The following SOX5 variants were observed in gnomAD, a reference collection of about 807,000 sequenced individuals.
SOX5 encodes the protein SRY-box transcription factor 5, also known as transcription factor SOX-5.
Under a neutral mutation model 92.0 loss-of-function variants are expected in SOX5, and 9 were observed. The observed-to-expected ratio is 0.10, with a 90% CI of 0.06 to 0.17. The LOEUF (loss-of-function observed/expected upper bound fraction) is 0.17, where lower values mean the gene tolerates loss of function less well. SOX5 is among the 10% of genes least tolerant of loss of function. SOX5 has a pLI of 1.00. For missense variants in SOX5, 642 were observed against 944.5 expected, an observed-to-expected ratio of 0.68 and a Z score of 4.20; for synonymous variants, 344 against 336.3, an observed-to-expected ratio of 1.02 and a Z score of -0.25.
At chr12:24,455,931 G>A (rs1942969366) in intron 1 of SOX5, among the ~76,000 whole-genome samples, 1 of 152,122 alleles carries the variant, frequency 6.6e-6, no homozygotes, top group African/African-American at 2.4e-5. Context: ...ACAGCTCTGC[G>A]AGGCCATGCA....
chr12:24,561,732 G>A (rs1424667200), intron 1 of SOX5, among the ~76,000 whole-genome samples: 1 of 151,414 alleles, frequency 6.6e-6, no homozygotes, highest in African/African-American at 2.4e-5. Flanking sequence ...CGGGAGGGAG[G>A]GGGAGTGGTA....
intron 1 of SOX5, among the ~76,000 whole-genome samples, chr12:24,513,587 T>C (rs1949516257): frequency 6.6e-6 from 1 of 152,198 alleles, no homozygotes; most frequent in African/African-American, 2.4e-5. Flanking sequence ...CATAATTTGT[T>C]AATATCGGGG....
chr12:24,049,287 C>T (rs895738230), intron 4 of SOX5, among the ~76,000 whole-genome samples: 28 of 152,130 alleles, frequency 1.8e-4, no homozygotes, highest in African/African-American at 6.5e-4. Context: ...TGGCCAAATA[C>T]GCCTTGAGAC....
At chr12:23,802,849 G>A (rs925169509) in intron 3 of SOX5, among the ~76,000 whole-genome samples, 1 of 152,014 alleles carries the variant, frequency 6.6e-6, no homozygotes, top group African/African-American at 2.4e-5. Context: ...TTATGTGTCC[G>A]TAGTCTTGCA....
At chr12:24,357,637 G>A (rs536871850) in intron 2 of SOX5, among the ~76,000 whole-genome samples, 2 of 152,210 alleles carry the variant, frequency 1.3e-5, no homozygotes, top group Admixed American at 1.3e-4. Flanking sequence ...GAGCTCAGGA[G>A]TTCATGACCA....
chr12:23,859,630 C>A (rs759860412), intron 2 of SOX5, among the ~76,000 whole-genome samples: 3 of 152,132 alleles, frequency 2.0e-5, no homozygotes, highest in Non-Finnish European at 2.9e-5. Flanking sequence ...AGCATGTGAT[C>A]CCTGTGACCT....
intron 6 of SOX5, among the ~76,000 whole-genome samples, chr12:23,666,686 ATATC>A (rs1375758311): frequency 6.6e-6 from 1 of 152,194 alleles, no homozygotes; most frequent in Non-Finnish European, 1.5e-5. Context: ...TATTTAATAA[ATATC>A]TACTATGTGC....
At chr12:24,305,750 G>A (rs935594795) in intron 2 of SOX5, among the ~76,000 whole-genome samples, 9 of 151,952 alleles carry the variant, frequency 5.9e-5, no homozygotes, top group Middle Eastern at 3.2e-3. Flanking sequence ...GGCACCCGCC[G>A]CCACGCCTGG....
At chr12:24,366,592 T>C (rs973963791) in intron 2 of SOX5, among the ~76,000 whole-genome samples, 3 of 152,146 alleles carry the variant, frequency 2.0e-5, no homozygotes, top group South Asian at 2.1e-4. Context: ...TGTGCCTGGA[T>C]TTTTCATATG....
At chr12:24,222,050 A>G (rs535140442) in intron 3 of SOX5, among the ~76,000 whole-genome samples, 15 of 152,170 alleles carry the variant, frequency 9.9e-5, no homozygotes, top group Non-Finnish European at 2.1e-4. Context: ...TTAAAAGCCA[A>G]TGTGGAGGTT....
At chr12:23,566,044 A>G (rs1171819703) in intron 10 of SOX5, among the ~76,000 whole-genome samples, 1 of 152,156 alleles carries the variant, frequency 6.6e-6, no homozygotes, top group Non-Finnish European at 1.5e-5. Context: ...TCCTGTTTCA[A>G]TAAAAATGGT....
At chr12:24,531,074 A>G (rs1951158915) in intron 1 of SOX5, among the ~76,000 whole-genome samples, 1 of 152,194 alleles carries the variant, frequency 6.6e-6, no homozygotes, top group African/African-American at 2.4e-5. Context: ...ATCCGTGGAA[A>G]TTATCTATTT....
intron 4 of SOX5, among the ~76,000 whole-genome samples, chr12:24,158,479 T>C (rs79048315): frequency 0.13 from 19,050 of 151,894 alleles, 1,754 homozygotes; most frequent in East Asian, 0.46. Context: ...TCAATACATA[T>C]TTGTAACTTT....
chr12:23,787,252 T>C (rs2095397078), intron 3 of SOX5, among the ~76,000 whole-genome samples: 1 of 151,998 alleles, frequency 6.6e-6, no homozygotes, highest in Non-Finnish European at 1.5e-5. Flanking sequence ...TGAAAGTAAC[T>C]GGTATGATAA....
At chr12:23,787,849 C>A (rs370582094) in intron 3 of SOX5, among the ~76,000 whole-genome samples, 2 of 151,846 alleles carry the variant, frequency 1.3e-5, no homozygotes, top group South Asian at 2.1e-4. Flanking sequence ...GCTCAATGCT[C>A]ATAACCATTA....
intron 4 of SOX5, among the ~76,000 whole-genome samples, chr12:24,170,888 T>A (rs915360807): frequency 2.0e-5 from 3 of 152,200 alleles, no homozygotes; most frequent in African/African-American, 7.2e-5. Flanking sequence ...AACATCGTTA[T>A]AAATTCATGT....
In SOX5 at chr12:24,101,969, C is replaced by A. The variant is rs572278436; in HGVS notation, c.-2+111374G>T. 7.9e-5 allele frequency among the ~76,000 whole-genome samples: 12 copies of A among 152,258 alleles called. 1 individual carries two copies. The South Asian group carries it at 1.9e-3, about 24-fold the overall frequency. On this transcript the variant is annotated intron_variant, in intron 4 of 4. Coordinates refer to the SOX5 transcript ENST00000446891. ...GGATTCTCACAAGTTGAGAATAAAT[C>A]TCTGCAGCAAAGGATTTCCTTTAAG...
chr12:23,679,213 A>G (rs537139541), intron 6 of SOX5, among the ~76,000 whole-genome samples: 1 of 152,278 alleles, frequency 6.6e-6, no homozygotes, highest in South Asian at 2.1e-4. Context: ...TGTAGACAGC[A>G]CTTAGAACCT....
chr12:23,852,024 AG>A lies in SOX5; in HGVS notation c.271-5832del, dbSNP rs2096639039. The stretch of plus-strand genomic sequence containing the variant: ...CCACTTACAAGCAAGTTAAGAGCCA[AG>A]TTAGTTTTTAAGGAATGCTTATATT... On this transcript the variant is annotated intron_variant, in intron 2 of 14. Coordinates refer to ENST00000451604, the MANE Select transcript of SOX5 (RefSeq NM_006940.6). 2.6e-5 allele frequency among the ~76,000 whole-genome samples: 4 copies of A among 152,314 alleles called. 1 individual carries two copies. In the South Asian group the frequency reaches 8.3e-4, roughly 32 times the overall value.
Sources: allele counts gnomAD v4.1 joint callset (sites outside exome capture counted in the v4.1 genomes callset), GRCh38; gene constraint gnomAD v4.1.1; transcripts MANE v1.5; gene names NCBI Gene and HGNC (gene_info 2026-07-23, HGNC 2026-07-21).